WWP1: variants seen among roughly 807,000 people sequenced by gnomAD.
WWP1 encodes the protein WW domain containing E3 ubiquitin protein ligase 1.
Under a neutral mutation model 130.6 loss-of-function variants are expected in WWP1, and 49 were observed. The observed-to-expected ratio is 0.38, with a 90% CI of 0.30 to 0.48. WWP1 has a LOEUF of 0.48. WWP1 is among the 20% of genes least tolerant of loss of function. The probability of loss-of-function intolerance (pLI) is 0.99; values close to 1 mark genes in which losing one functional copy is unlikely to be tolerated. For synonymous variants in WWP1, 332 were observed against 367.8 expected, an observed-to-expected ratio of 0.90 and a Z score of 1.11; for missense variants, 809 against 1,100.6, an observed-to-expected ratio of 0.74 and a Z score of 3.75.
At chr8:86,443,685 TG>T (rs897642509) in intron 18 of WWP1, among the ~76,000 whole-genome samples, 14 of 151,808 alleles carry the variant, frequency 9.2e-5, no homozygotes, top group African/African-American at 2.2e-4. Flanking sequence ...AAGGAAAGAG[TG>T]TGTTGCTTTT....
At chr8:86,425,178 C>G in intron 9 of WWP1, 45 bp from the exon 10 acceptor site, 1 of 1,495,518 alleles carries the variant, frequency 6.7e-7, no homozygotes, top group South Asian at 1.2e-5. Flanking sequence ...TTAAGATTGT[C>G]CTAGTGTGTT....
intron 14 of WWP1, among the ~76,000 whole-genome samples, chr8:86,434,853 G>T (rs1383191555): frequency 6.6e-6 from 1 of 152,138 alleles, no homozygotes; most frequent in Admixed American, 6.6e-5. Flanking sequence ...TTAACATTAT[G>T]AAAGTTCTTT....
intron 17 of WWP1, among the ~76,000 whole-genome samples, chr8:86,439,953 G>A (rs1184483113): frequency 3.3e-5 from 5 of 152,150 alleles, no homozygotes; most frequent in Admixed American, 2.6e-4. Context: ...AACTGATGGG[G>A]ATAGATAAGT....
At chr8:86,436,183 G>T (rs1048953841) in intron 16 of WWP1, among the ~76,000 whole-genome samples, 2 of 152,164 alleles carry the variant, frequency 1.3e-5, no homozygotes, top group Non-Finnish European at 2.9e-5. Context: ...GACATATCAT[G>T]AATTTAGATG....
intron 24 of WWP1, among the ~76,000 whole-genome samples, chr8:86,464,920 C>CGT (rs59046717): frequency 5.3e-5 from 8 of 151,450 alleles, no homozygotes; most frequent in African/African-American, 7.3e-5. Context: ...CATGCGCGCG[C>CGT]GTGTGTGTGT....
intron 1 of WWP1, among the ~76,000 whole-genome samples, chr8:86,346,728 A>G (rs1035066559): frequency 2.0e-5 from 3 of 152,214 alleles, no homozygotes; most frequent in African/African-American, 7.2e-5. Flanking sequence ...TCTTTGTATA[A>G]AAATATGATA....
chr8:86,455,849 C>T (rs1811415141), intron 21 of WWP1, among the ~76,000 whole-genome samples: 1 of 151,868 alleles, frequency 6.6e-6, no homozygotes, highest in African/African-American at 2.4e-5. Flanking sequence ...GGAGGATTTG[C>T]ATCACCTGAT....
chr8:86,342,760 C>G lies in WWP1; in HGVS notation c.-285C>G. Reference sequence around the variant, plus strand: ...GTCGGCGAGCTCCGCGTGCGGGTTCCGAGTGGCTGCTGGCGGCCTGGGCTG... The same window carrying G: ...GTCGGCGAGCTCCGCGTGCGGGTTCGGAGTGGCTGCTGGCGGCCTGGGCTG... On this transcript the variant is annotated 5_prime_UTR_variant, in exon 1 of 25. Coordinates refer to ENST00000517970, the MANE Select transcript of WWP1 (RefSeq NM_007013.4). The G allele has an allele frequency of 2.7e-6, 1 of 365,326 alleles. No individual in the cohort carries two copies. The highest frequency in any genetic ancestry group is 1.3e-4 in the South Asian group (1 of 7,602). 22.6% of individuals were successfully genotyped at this position (365,326 alleles called of 1,614,324 possible).
chr8:86,362,163 CATATATAT>C (rs34231831), intron 1 of WWP1, among the ~76,000 whole-genome samples: 20,031 of 58,932 alleles, frequency 0.34, 3,216 homozygotes, highest in Middle Eastern at 0.55. Flanking sequence ...ATATACAAGG[CATATATAT>C]ATATATATAT....
At chr8:86,359,047 C>A (rs1159351250) in intron 1 of WWP1, among the ~76,000 whole-genome samples, 1 of 152,184 alleles carries the variant, frequency 6.6e-6, no homozygotes, top group Non-Finnish European at 1.5e-5. Flanking sequence ...GTATCCAAAT[C>A]TGTATGAGAA....
At chr8:86,379,598 T>C (rs1252378772) in intron 3 of WWP1, among the ~76,000 whole-genome samples, 1 of 152,156 alleles carries the variant, frequency 6.6e-6, no homozygotes, top group Non-Finnish European at 1.5e-5. Context: ...GCCCAGAAAG[T>C]AGATAGTCCC....
intron 20 of WWP1, 28 bp from the exon 21 acceptor site, chr8:86,452,531 T>A (rs758522430): frequency 6.4e-7 from 1 of 1,572,228 alleles, no homozygotes; most frequent in Admixed American, 1.9e-5. Context: ...ATAAATTACC[T>A]ATTTTTAAAT....
At chr8:86,442,525 A>T in intron 17 of WWP1, 94 bp from the exon 18 acceptor site, 1 of 1,199,228 alleles carries the variant, frequency 8.3e-7, no homozygotes, top group Non-Finnish European at 1.1e-6. Flanking sequence ...AAGACTGTTG[A>T]GCAGAGGTAT....
Position 86,457,916 on chromosome 8 carries a change from C to A in WWP1, c.2395-5C>A. 1 of 1,611,168 alleles carries A rather than the reference C, an allele frequency of 6.2e-7. No individual in the cohort carries two copies. Among genetic ancestry groups the A allele is most frequent in the Non-Finnish European group, 8.5e-7 (1 of 1,177,942 alleles). On this transcript the variant is annotated splice_region_variant and splice_polypyrimidine_tract_variant and intron_variant, in intron 21 of 24. Coordinates refer to ENST00000517970, the MANE Select transcript of WWP1 (RefSeq NM_007013.4). ...TTGTGGCCTGATTCTGTGCTCATTTCCCAGGTTATGTTGTGTGGCATGCAG... is the reference window on the plus strand; with the variant it reads ...TTGTGGCCTGATTCTGTGCTCATTTACCAGGTTATGTTGTGTGGCATGCAG...
chr8:86,430,083 T>C (rs1809853214), intron 11 of WWP1, among the ~76,000 whole-genome samples: 1 of 151,960 alleles, frequency 6.6e-6, no homozygotes, highest in Non-Finnish European at 1.5e-5. Flanking sequence ...TCTGTAGTCC[T>C]AGCTACTCGG....
chr8:86,421,708 C>G (rs1260959328), intron 9 of WWP1, among the ~76,000 whole-genome samples: 1 of 151,974 alleles, frequency 6.6e-6, no homozygotes, highest in African/African-American at 2.4e-5. Context: ...CCTATAGTCC[C>G]AGCTACTTGG....
intron 14 of WWP1, among the ~76,000 whole-genome samples, chr8:86,433,517 C>T (rs1810111162): frequency 6.6e-6 from 1 of 151,440 alleles, no homozygotes; most frequent in Non-Finnish European, 1.5e-5. Context: ...AGTTTGAGAC[C>T]AGCCTGGGCA....
rs1328038558 is a variant in WWP1 at position 86,453,826 on chromosome 8, T to TA, written c.2394+1150dup. On this transcript the variant is annotated intron_variant, in intron 21 of 24. Transcript: ENST00000517970. ...TAATGATTAGTTATCAAGAATTTTCTAAAGCTTATTTTCCCATATAAGTTA... is the reference window on the plus strand; with the variant it reads ...TAATGATTAGTTATCAAGAATTTTCTAAAAGCTTATTTTCCCATATAAGTTA... Among the ~76,000 whole-genome samples the TA allele has an allele frequency of 4.6e-5, 7 of 152,306 alleles. No individual in the cohort carries two copies. The East Asian group carries it at 1.4e-3, about 29-fold the overall frequency.
intron 1 of WWP1, among the ~76,000 whole-genome samples, chr8:86,353,409 C>A (rs1347388334): frequency 1.3e-5 from 2 of 151,760 alleles, no homozygotes; most frequent in Non-Finnish European, 1.5e-5. Context: ...ATTTTGTGGT[C>A]AAAAATATGC....
Sources: allele counts gnomAD v4.1 joint callset (sites outside exome capture counted in the v4.1 genomes callset), GRCh38; gene constraint gnomAD v4.1.1; transcripts MANE v1.5; gene names NCBI Gene and HGNC (gene_info 2026-07-23, HGNC 2026-07-21).